The following GRIK2 variants were observed in gnomAD, a reference collection of about 807,000 sequenced individuals.
GRIK2 encodes glutamate receptor ionotropic, kainate 2.
GRIK2 carries 32 observed loss-of-function variants against 100.3 expected under a neutral mutation model. That is an observed-to-expected ratio of 0.32 (90% confidence interval 0.24 to 0.43). The LOEUF (loss-of-function observed/expected upper bound fraction) is 0.43. GRIK2 is among the 20% of genes least tolerant of loss of function. GRIK2 has a pLI of 1.00. For synonymous variants in GRIK2, 417 were observed against 389.4 expected, an observed-to-expected ratio of 1.07 and a Z score of -0.83; for missense variants, 843 against 1,114.9, an observed-to-expected ratio of 0.76 and a Z score of 3.47.
chr6:102,058,912 C>T (rs1406171091), intron 16 of GRIK2, among the ~76,000 whole-genome samples: 1 of 151,154 alleles, frequency 6.6e-6, no homozygotes. Flanking sequence ...TGAATGTGAA[C>T]TTTGTGAATA....
chr6:101,423,538 C>A (rs554090246), intron 2 of GRIK2, among the ~76,000 whole-genome samples: 1 of 152,196 alleles, frequency 6.6e-6, no homozygotes, highest in South Asian at 2.1e-4. Flanking sequence ...TTGCAATTTC[C>A]TGATGAGTTG....
intron 7 of GRIK2, among the ~76,000 whole-genome samples, chr6:101,694,928 T>C (rs959934475): frequency 2.0e-5 from 3 of 150,792 alleles, no homozygotes; most frequent in Non-Finnish European, 4.4e-5. Context: ...TCTTTAAAAT[T>C]TGCATTTAGT....
chr6:101,946,389 G>A (rs905290220), intron 14 of GRIK2, among the ~76,000 whole-genome samples: 1 of 151,806 alleles, frequency 6.6e-6, no homozygotes, highest in African/African-American at 2.4e-5. Flanking sequence ...CATTAGCCAG[G>A]GTGTGGTGGC....
chr6:102,028,949 G>T (rs1175892962), intron 14 of GRIK2, among the ~76,000 whole-genome samples: 4 of 151,034 alleles, frequency 2.6e-5, no homozygotes, highest in African/African-American at 9.7e-5. Flanking sequence ...CTAATTTGTT[G>T]TTACCTCAAT....
chr6:101,921,449 T>A (rs1389010933), intron 12 of GRIK2, among the ~76,000 whole-genome samples: 1 of 152,030 alleles, frequency 6.6e-6, no homozygotes, highest in Non-Finnish European at 1.5e-5. Context: ...GGCCAATTGA[T>A]TTAAATTATG....
intron 11 of GRIK2, among the ~76,000 whole-genome samples, chr6:101,888,145 TTGAA>T (rs995061268): frequency 2.0e-5 from 3 of 152,118 alleles, no homozygotes; most frequent in Admixed American, 2.0e-4. Flanking sequence ...GTACAAATTA[TTGAA>T]TGAATGAATG....
intron 16 of GRIK2, among the ~76,000 whole-genome samples, chr6:102,062,714 G>C (rs1371816350): frequency 6.7e-6 from 1 of 150,128 alleles, no homozygotes; most frequent in African/African-American, 2.4e-5. Context: ...TATAGCCTTA[G>C]GTCAATTCAT....
chr6:101,754,555 A>G (rs1229178168), intron 7 of GRIK2, among the ~76,000 whole-genome samples: 2 of 152,326 alleles, frequency 1.3e-5, no homozygotes, highest in East Asian at 3.9e-4. Context: ...AATGTAACCA[A>G]AAGAGCTATA....
chr6:101,493,441 A>G (rs971532262), intron 2 of GRIK2, among the ~76,000 whole-genome samples: 1 of 152,132 alleles, frequency 6.6e-6, no homozygotes, highest in Admixed American at 6.5e-5. Context: ...GGAAGCCAGA[A>G]GTTAGTAAAA....
intron 10 of GRIK2, among the ~76,000 whole-genome samples, chr6:101,856,317 TGTAAAA>T (rs55830129): frequency 6.3e-4 from 96 of 152,234 alleles, no homozygotes; most frequent in Non-Finnish European, 1.1e-3. Flanking sequence ...ACTGAAAACA[TGTAAAA>T]GTTTTGGGGA....
Position 101,676,694 on chromosome 6 carries a change from C to T in GRIK2, c.613C>T (p.Pro205Ser), listed in dbSNP as rs56067702. The part of the protein sequence containing the change: ...YNLRLKIRQL[P>S]ADTKDAKPLL... ...TCTTCGACTCAAAATTCGTCAGTTA[C>T]CTGCTGATACAAAGGATGCAAAACC... The change falls in exon 5 of 17, where the codon CCT becomes TCT. Residue 205 changes from proline (P) to serine (S), a missense_variant. Physicochemically the swap from Pro to Ser is moderately conservative, Grantham distance 74. Coordinates refer to ENST00000369134, the MANE Select transcript of GRIK2 (RefSeq NM_021956.5). The T allele has an allele frequency of 1.4e-4, 227 of 1,604,028 alleles. No individual in the cohort carries two copies. The highest frequency in any genetic ancestry group is 3.9e-4 in the Admixed American group (23 of 59,506).
At chr6:101,717,925 A>T (rs1774182403) in intron 7 of GRIK2, among the ~76,000 whole-genome samples, 1 of 151,766 alleles carries the variant, frequency 6.6e-6, no homozygotes, top group Non-Finnish European at 1.5e-5. Flanking sequence ...ATAAATAGCT[A>T]GTTCCTATAA....
chr6:101,402,944 G>A (rs922708424), intron 2 of GRIK2, among the ~76,000 whole-genome samples: 1 of 152,158 alleles, frequency 6.6e-6, no homozygotes, highest in Non-Finnish European at 1.5e-5. Context: ...CCTCTAAGCT[G>A]AACTGCGGCG....
intron 1 of GRIK2, among the ~76,000 whole-genome samples, chr6:101,398,019 T>C (rs189821475): frequency 1.6e-4 from 24 of 152,222 alleles, no homozygotes; most frequent in Admixed American, 1.6e-3. Context: ...ACTTTATTTC[T>C]TGAATAAACT....
intron 2 of GRIK2, among the ~76,000 whole-genome samples, chr6:101,483,817 G>T (rs961785455): frequency 6.6e-6 from 1 of 152,146 alleles, no homozygotes; most frequent in Non-Finnish European, 1.5e-5. Flanking sequence ...ACCTCAGTCC[G>T]CCTCAGCCTC....
chr6:101,918,023 A>G (rs1332250058), intron 12 of GRIK2, among the ~76,000 whole-genome samples: 1 of 151,720 alleles, frequency 6.6e-6, no homozygotes, highest in South Asian at 2.1e-4. Flanking sequence ...TCCCTATTCC[A>G]ATCCATTTAC....
chr6:101,834,111 T>C (rs1187115723), intron 10 of GRIK2, among the ~76,000 whole-genome samples: 3 of 152,096 alleles, frequency 2.0e-5, no homozygotes, highest in Non-Finnish European at 4.4e-5. Context: ...TGCACTGATA[T>C]ATAACCAGGT....
At chr6:101,620,740 G>C (rs1290367452) in intron 2 of GRIK2, among the ~76,000 whole-genome samples, 2 of 152,164 alleles carry the variant, frequency 1.3e-5, no homozygotes, top group South Asian at 4.1e-4. Context: ...CGTTTTTAAA[G>C]TACTTGTTTC....
chr6:102,004,670 G>A lies in GRIK2; in HGVS notation c.2086-30671G>A, dbSNP rs113604504. Reference sequence around the variant, plus strand: ...ATACCTGTTGCTCATCCTTCATTCCGTCTGCCCTCTAGTGCAACATTGTTT... The same window carrying A: ...ATACCTGTTGCTCATCCTTCATTCCATCTGCCCTCTAGTGCAACATTGTTT... On this transcript the variant is annotated intron_variant, in intron 14 of 16. Coordinates refer to ENST00000369134, the MANE Select transcript of GRIK2 (RefSeq NM_021956.5). Among the ~76,000 whole-genome samples the A allele has an allele frequency of 2.4e-3, 367 of 151,890 alleles. 1 individual carries two copies. Among genetic ancestry groups the A allele is most frequent in the African/African-American group, 7.6e-3 (314 of 41,466 alleles).
Sources: gnomAD v4.1 joint callset for allele counts (sites outside exome capture counted in the v4.1 genomes callset) on GRCh38, gnomAD v4.1.1 for gene constraint, MANE v1.5 for transcripts, NCBI Gene and HGNC (gene_info 2026-07-23, HGNC 2026-07-21) for gene names.